Variants in FKBP5 observed in about 807,000 individuals in gnomAD.
FKBP5 encodes the protein peptidyl-prolyl cis-trans isomerase FKBP5.
In FKBP5, 23 loss-of-function variants were observed where a neutral mutation model predicts 50.5. The observed-to-expected ratio is 0.46, with a 90% CI of 0.33 to 0.65. The LOEUF is 0.65. Among genes scored for constraint, FKBP5 ranks in the 30% least tolerant of loss-of-function variants. The probability of loss-of-function intolerance (pLI) is 0.02; values close to 1 mark genes in which losing one functional copy is unlikely to be tolerated. For synonymous variants in FKBP5, 176 were observed against 190.6 expected, an observed-to-expected ratio of 0.92 and a Z score of 0.63; for missense variants, 411 against 553.1, an observed-to-expected ratio of 0.74 and a Z score of 2.58.
In FKBP5 at chr6:35,672,016, C is replaced by T. The variant is rs375699928; in HGVS notation, c.-20+16788G>A. Reference sequence around the variant, plus strand: ...CCCCAGCATCTGGGACTACAGGCTTCCGCCACCACGCCCAGCTAATTTTTT... The same window carrying T: ...CCCCAGCATCTGGGACTACAGGCTTTCGCCACCACGCCCAGCTAATTTTTT... On this transcript the variant is annotated intron_variant, in intron 1 of 10. Transcript: ENST00000357266. Among the ~76,000 whole-genome samples, 3 of 152,216 alleles carry T rather than the reference C, an allele frequency of 2.0e-5. No individual in the cohort carries two copies. In the East Asian group the frequency reaches 5.8e-4, roughly 29 times the overall value.
chr6:35,605,819 C>A (rs937616635), intron 5 of FKBP5, among the ~76,000 whole-genome samples: 7 of 152,124 alleles, frequency 4.6e-5, no homozygotes, highest in African/African-American at 1.4e-4. Flanking sequence ...AATCAGTATG[C>A]GGCAAGTCCT....
intron 2 of FKBP5, among the ~76,000 whole-genome samples, chr6:35,707,464 G>C (rs547779904): frequency 6.6e-6 from 1 of 151,396 alleles, no homozygotes; most frequent in Non-Finnish European, 1.5e-5. Flanking sequence ...CAGGTAATCC[G>C]CCCGCCTCGG....
intron 1 of FKBP5, among the ~76,000 whole-genome samples, chr6:35,645,804 A>G (rs1764613798): frequency 6.6e-6 from 1 of 152,240 alleles, no homozygotes; most frequent in Admixed American, 6.5e-5. Flanking sequence ...TTTTTAAATG[A>G]AAATACTGTC....
At chr6:35,668,705 T>A (rs1393507891) in intron 1 of FKBP5, among the ~76,000 whole-genome samples, 1 of 152,120 alleles carries the variant, frequency 6.6e-6, no homozygotes, top group Non-Finnish European at 1.5e-5. Flanking sequence ...ATACTTTAAG[T>A]TTTAGGGTAC....
upstream of FKBP5, chr6:35,688,951 A>AGCGCCCGGCGCC (rs1369020774): frequency 3.3e-5 from 5 of 150,864 alleles, no homozygotes; most frequent in African/African-American, 1.2e-4. Flanking sequence ...TCCCCGGGGC[A>AGCGCCCGGCGCC]GCGCCCGGCG....
At chr6:35,716,253 G>T (rs1043002258) in intron 2 of FKBP5, among the ~76,000 whole-genome samples, 4 of 152,042 alleles carry the variant, frequency 2.6e-5, no homozygotes, top group Non-Finnish European at 4.4e-5. Flanking sequence ...CACACCCATA[G>T]TCCTAGGTAC....
intron 2 of FKBP5, among the ~76,000 whole-genome samples, chr6:35,717,155 G>T (rs1318129870): frequency 6.6e-6 from 1 of 152,114 alleles, no homozygotes; most frequent in Non-Finnish European, 1.5e-5. Flanking sequence ...ATTCCCACAG[G>T]GCCATCAGTA....
chr6:35,685,643 G>C (rs760476236), intron 1 of FKBP5, among the ~76,000 whole-genome samples: 13 of 152,094 alleles, frequency 8.5e-5, no homozygotes, highest in Non-Finnish European at 1.8e-4. Context: ...ATGGTCTTTA[G>C]AGGAATTCTT....
intron 8 of FKBP5, chr6:35,586,646 T>C: frequency 1.2e-5 from 12 of 1,013,120 alleles, no homozygotes; most frequent in Non-Finnish European, 1.4e-5. Flanking sequence ...ATGTGAAACT[T>C]ACCCTTATGA....
chr6:35,654,141 T>C (rs550929003), intron 1 of FKBP5, among the ~76,000 whole-genome samples: 1 of 152,354 alleles, frequency 6.6e-6, no homozygotes, highest in Admixed American at 6.5e-5. Context: ...GTGTGGTTTA[T>C]CATAGTTATT....
chr6:35,610,657 T>C (rs959705563), intron 5 of FKBP5, among the ~76,000 whole-genome samples: 26 of 151,500 alleles, frequency 1.7e-4, no homozygotes, highest in African/African-American at 4.6e-4. Flanking sequence ...TGAGGCACAT[T>C]TTGTTTTATT....
chr6:35,726,536 C>CCACACACACACACA (rs10599241), intron 1 of FKBP5, among the ~76,000 whole-genome samples: 22 of 139,444 alleles, frequency 1.6e-4, no homozygotes, highest in African/African-American at 4.6e-4. Context: ...TCCTCCTCCT[C>CCACACACACACACA]CACACACACA....
intron 1 of FKBP5, among the ~76,000 whole-genome samples, chr6:35,722,499 C>A (rs1345705049): frequency 6.6e-6 from 1 of 152,152 alleles, no homozygotes; most frequent in Non-Finnish European, 1.5e-5. Context: ...GCTGCCTGGG[C>A]TTCCGGCTGC....
chr6:35,637,224 G>A (rs920233960), intron 2 of FKBP5, 66 bp from the exon 3 acceptor site: 72 of 1,428,066 alleles, frequency 5.0e-5, no homozygotes, highest in Non-Finnish European at 5.8e-5. Flanking sequence ...GAATAAAAAG[G>A]TCACACAGTC....
chr6:35,657,152 T>G (rs953406661), intron 1 of FKBP5, among the ~76,000 whole-genome samples: 1 of 151,932 alleles, frequency 6.6e-6, no homozygotes, highest in Non-Finnish European at 1.5e-5. Context: ...GAGGCGGAGC[T>G]TGCAGCGAGC....
At chr6:35,593,873 T>C (rs2150962263) in intron 6 of FKBP5, among the ~76,000 whole-genome samples, 1 of 151,972 alleles carries the variant, frequency 6.6e-6, no homozygotes, top group Non-Finnish European at 1.5e-5. Context: ...GTGTTTTTGT[T>C]TGGGGTTCAT....
intron 3 of FKBP5, among the ~76,000 whole-genome samples, chr6:35,630,928 A>C (rs1764134548): frequency 6.6e-6 from 1 of 152,236 alleles, no homozygotes; most frequent in South Asian, 2.1e-4. Flanking sequence ...ATATTTGCCA[A>C]AGTGCTTGTC....
intron 3 of FKBP5, among the ~76,000 whole-genome samples, chr6:35,632,012 C>T (rs1764175741): frequency 6.6e-6 from 1 of 150,854 alleles, no homozygotes; most frequent in South Asian, 2.1e-4. Flanking sequence ...AAATCTATTG[C>T]CCTCTTCCAT....
At chr6:35,628,963 C>T (rs1350431961) in intron 3 of FKBP5, among the ~76,000 whole-genome samples, 2 of 151,880 alleles carry the variant, frequency 1.3e-5, no homozygotes, top group South Asian at 2.1e-4. Context: ...GTGATCTGCC[C>T]GCCTCGGCCT....
Sources: allele counts gnomAD v4.1 joint callset (sites outside exome capture counted in the v4.1 genomes callset), GRCh38; gene constraint gnomAD v4.1.1; transcripts MANE v1.5; gene names NCBI Gene and HGNC (gene_info 2026-07-23, HGNC 2026-07-21).